DHX57: variants seen among roughly 807,000 people sequenced by gnomAD.
DHX57 encodes the protein putative ATP-dependent RNA helicase DHX57.
Under a neutral mutation model 156.2 loss-of-function variants are expected in DHX57, and 105 were observed. That is an observed-to-expected ratio of 0.67 (90% CI 0.57 to 0.79). The LOEUF (loss-of-function observed/expected upper bound fraction) is 0.79. DHX57 is among the 30% of genes least tolerant of loss of function. The pLI is 0.00. For synonymous variants in DHX57, 704 were observed against 595.6 expected (o/e 1.18, Z -2.65); for missense variants, 1,847 against 1,661.9 (o/e 1.11, Z -1.94).
At chr2:38,805,920 G>T (rs916446652) in intron 22 of DHX57, among the ~76,000 whole-genome samples, 2 of 152,150 alleles carry the variant, frequency 1.3e-5, no homozygotes, top group African/African-American at 2.4e-5. Flanking sequence ...AAGAGGGCAT[G>T]ATGGTGAGAG....
At chr2:38,815,029 T>C (rs1670453250) in intron 20 of DHX57, among the ~76,000 whole-genome samples, 1 of 150,030 alleles carries the variant, frequency 6.7e-6, no homozygotes, top group African/African-American at 2.5e-5. Flanking sequence ...GCCCCCTCTA[T>C]TCTTATGAGT....
chr2:38,815,481 C>G, intron 20 of DHX57, 40 bp downstream of exon 20: 1 of 1,612,844 alleles, frequency 6.2e-7, no homozygotes, highest in Non-Finnish European at 8.5e-7. Context: ...TATTTAGGTG[C>G]TAATTAAAGA....
Position 38,855,103 on chromosome 2 carries a change from C to G in DHX57, c.1859G>C (p.Arg620Thr), listed in dbSNP as rs767300538. 33 of 1,613,976 alleles carry G rather than the reference C, an allele frequency of 2.0e-5. 1 individual carries two copies. In the South Asian group the frequency reaches 3.6e-4, roughly 18 times the overall value. ...CTGGTATCCCACGGTCAGACCCACC[C>G]TCTCTGCTCTTTCTTTAGCAACGCG... ...AERVAKERAE[R>T]VGLTVGYQIR... The change falls in exon 8 of 24, where the codon AGG (arginine) becomes ACG (threonine). Residue 620 changes from arginine (R) to threonine (T), a missense_variant. Arg to Thr is a moderately conservative substitution (Grantham distance 71, BLOSUM62 -1). Transcript: ENST00000457308.
chr2:38,830,444 A>G (rs1335106417), intron 13 of DHX57, among the ~76,000 whole-genome samples: 1 of 152,082 alleles, frequency 6.6e-6, no homozygotes, highest in Non-Finnish European at 1.5e-5. Context: ...CCTGACCAAC[A>G]TGGTGAAACC....
At chr2:38,856,200 T>G (rs1410110150) in intron 7 of DHX57, 140 bp downstream of exon 7, 2 of 1,183,278 alleles carry the variant, frequency 1.7e-6, no homozygotes, top group African/African-American at 1.6e-5. Context: ...GCTGGATTTT[T>G]TTGCCTTATG....
At chr2:38,810,008 C>T (rs944784462) in intron 21 of DHX57, among the ~76,000 whole-genome samples, 7 of 152,024 alleles carry the variant, frequency 4.6e-5, no homozygotes, top group Non-Finnish European at 1.0e-4. Context: ...ATTCTTCTGC[C>T]TCAGCCTCCC....
chr2:38,803,055 G>A, intron 22 of DHX57, 140 bp from the exon 23 acceptor site: 1 of 775,426 alleles, frequency 1.3e-6, no homozygotes, highest in Non-Finnish European at 2.1e-6. Flanking sequence ...CTGAGCTCCA[G>A]ATCTGCAGTA....
rs1485192420 is a variant in DHX57 at position 38,819,156 on chromosome 2, A to G, written c.3292-12T>C. On this transcript the variant is annotated splice_polypyrimidine_tract_variant and intron_variant, in intron 17 of 23. Coordinates refer to ENST00000457308, the MANE Select transcript of DHX57 (RefSeq NM_198963.3). Reference sequence around the variant, plus strand: ...TCCCAGGGAGATACCTAAAGGAGAGAGGAAAATCAGATTTAAAGAACACTT... The same window carrying G: ...TCCCAGGGAGATACCTAAAGGAGAGGGGAAAATCAGATTTAAAGAACACTT... 6.2e-7 allele frequency: 1 copy of G among 1,608,796 alleles called. No homozygotes were observed. Among genetic ancestry groups the G allele is most frequent in the African/African-American group, 1.3e-5 (1 of 74,576 alleles).
intron 4 of DHX57, 26 bp downstream of exon 4, chr2:38,862,119 C>T: frequency 5.1e-6 from 8 of 1,554,714 alleles, no homozygotes; most frequent in Non-Finnish European, 7.0e-6. Flanking sequence ...TCTTTCCCAA[C>T]TCCCATAAAT....
chr2:38,832,532 A>AAT (rs200490370), intron 13 of DHX57, among the ~76,000 whole-genome samples: 9 of 131,286 alleles, frequency 6.9e-5, no homozygotes, highest in African/African-American at 1.9e-4. Flanking sequence ...CACATAGATT[A>AAT]ATATATATAT....
intron 5 of DHX57, among the ~76,000 whole-genome samples, chr2:38,860,187 C>T (rs955618238): frequency 6.6e-5 from 10 of 152,008 alleles, no homozygotes; most frequent in African/African-American, 2.4e-4. Flanking sequence ...CGATGGCTCA[C>T]GCCTGTAATC....
chr2:38,810,221 T>C (rs1316974657), intron 21 of DHX57, among the ~76,000 whole-genome samples: 5 of 150,754 alleles, frequency 3.3e-5, no homozygotes, highest in Admixed American at 1.3e-4. Flanking sequence ...TTTTTTTTAA[T>C]TGTCATTTTA....
intron 1 of DHX57, among the ~76,000 whole-genome samples, chr2:38,872,064 T>C (rs1665382818): frequency 1.3e-5 from 2 of 152,176 alleles, no homozygotes; most frequent in African/African-American, 4.8e-5. Context: ...ATTAAACCAT[T>C]AATAAGGGCT....
intron 12 of DHX57, 102 bp downstream of exon 12, chr2:38,842,903 A>G: frequency 8.0e-7 from 1 of 1,253,816 alleles, no homozygotes; most frequent in South Asian, 1.4e-5. Flanking sequence ...AGGCAATGTA[A>G]CTATGAAACA....
intron 7 of DHX57, among the ~76,000 whole-genome samples, chr2:38,856,060 G>A (rs202198852): frequency 6.6e-6 from 1 of 152,120 alleles, no homozygotes; most frequent in East Asian, 1.9e-4. Context: ...GCAGTGAGCC[G>A]AGATCATGCC....
At chr2:38,872,434 A>C (rs1358924087) in intron 1 of DHX57, among the ~76,000 whole-genome samples, 4 of 152,246 alleles carry the variant, frequency 2.6e-5, no homozygotes, top group Non-Finnish European at 5.9e-5. Context: ...CAAAAGACAG[A>C]GATTGTCAGA....
intron 1 of DHX57, 129 bp from the exon 2 acceptor site, chr2:38,868,540 T>A: frequency 1.0e-6 from 1 of 969,050 alleles, no homozygotes; most frequent in Non-Finnish European, 1.5e-6. Flanking sequence ...AAAGAGCTGG[T>A]CTTGGGGCAG....
chr2:38,868,191 C>T lies in DHX57; in HGVS notation c.215G>A (p.Arg72His), dbSNP rs1290963826. 1.1e-5 allele frequency: 17 copies of T among 1,613,770 alleles called. No homozygotes were observed. The highest frequency in any genetic ancestry group is 3.3e-5 in the Admixed American group (2 of 60,008). ...AAAGAGTTATAATGACCTGGAAGGG[C>T]GCCTTGATTCACTGAAGATACAAAA... ...DDFCIFSESR[R>H]PSRPSNSNIS... Residue 72 changes from arginine (R) to histidine (H), a missense_variant, in exon 2 of 24, where the codon CGC becomes CAC. Transcript: ENST00000457308.
intron 12 of DHX57, 65 bp from the exon 13 acceptor site, chr2:38,838,012 T>C: frequency 1.9e-6 from 2 of 1,041,896 alleles, no homozygotes; most frequent in East Asian, 2.4e-5. Flanking sequence ...TTATTGTATA[T>C]TTATACCATA....
Sources: gnomAD v4.1 joint callset for allele counts (sites outside exome capture counted in the v4.1 genomes callset) on GRCh38, gnomAD v4.1.1 for gene constraint, MANE v1.5 for transcripts, NCBI Gene and HGNC (gene_info 2026-07-23, HGNC 2026-07-21) for gene names.